The following AUH variants were observed in gnomAD, a reference collection of about 807,000 sequenced individuals.
AUH encodes AU RNA binding methylglutaconyl-CoA hydratase, also known as methylglutaconyl-CoA hydratase, mitochondrial.
AUH carries 29 observed loss-of-function variants against 42.3 expected under a neutral mutation model. The observed-to-expected ratio is 0.69, with a 90% CI of 0.51 to 0.93. The LOEUF is 0.93. AUH is among the 40% of genes least tolerant of loss of function. AUH has a pLI of 0.00. For missense variants in AUH, 452 were observed against 438.1 expected (o/e 1.03, Z -0.28); for synonymous variants, 174 against 166.4 (o/e 1.05, Z -0.35).
At chr9:91,353,623 A>G (rs1450451379) in intron 3 of AUH, among the ~76,000 whole-genome samples, 1 of 151,880 alleles carries the variant, frequency 6.6e-6, no homozygotes, top group East Asian at 1.9e-4. Context: ...GCGGATCACG[A>G]GGTCAGGAGA....
intron 4 of AUH, among the ~76,000 whole-genome samples, chr9:91,313,662 G>A (rs1212610890): frequency 1.3e-4 from 18 of 138,100 alleles, no homozygotes; most frequent in African/African-American, 3.6e-4. Context: ...CCGAGATTGC[G>A]CCACTGCAGT....
At chr9:91,220,658 A>C (rs2131213832) in intron 7 of AUH, 147 bp downstream of exon 7, 1 of 752,586 alleles carries the variant, frequency 1.3e-6, no homozygotes, top group East Asian at 2.7e-5. Flanking sequence ...ATCTTGTGTA[A>C]CTGCTCTAGT....
At chr9:91,249,225 A>G (rs1828972642) in intron 6 of AUH, among the ~76,000 whole-genome samples, 1 of 133,072 alleles carries the variant, frequency 7.5e-6, no homozygotes, top group South Asian at 2.6e-4. Context: ...TGAGCCTGGG[A>G]GATTGAGGCT....
At chr9:91,303,369 C>T (rs298727) in intron 4 of AUH, among the ~76,000 whole-genome samples, 18,637 of 151,892 alleles carry the variant, frequency 0.12, 1,651 homozygotes, top group African/African-American at 0.25. Flanking sequence ...CTTGCTCTGT[C>T]GCCCAGGCTA....
intron 3 of AUH, among the ~76,000 whole-genome samples, chr9:91,345,024 C>T (rs1251262334): frequency 1.3e-5 from 2 of 150,760 alleles, no homozygotes; most frequent in East Asian, 1.9e-4. Context: ...AAAAAAAATG[C>T]CTCAGCAAAC....
chr9:91,303,652 G>C (rs1354930716), intron 4 of AUH, among the ~76,000 whole-genome samples: 1 of 152,158 alleles, frequency 6.6e-6, no homozygotes, highest in East Asian at 1.9e-4. Flanking sequence ...ATTTGGTTTT[G>C]CTTGAAGAAT....
chr9:91,238,008 A>T (rs1828290247), intron 6 of AUH, among the ~76,000 whole-genome samples: 1 of 152,222 alleles, frequency 6.6e-6, no homozygotes, highest in Non-Finnish European at 1.5e-5. Context: ...AGTATGGGGA[A>T]TGAGTTTTTT....
intron 6 of AUH, among the ~76,000 whole-genome samples, chr9:91,285,514 T>A (rs867250991): frequency 6.6e-6 from 1 of 152,060 alleles, no homozygotes; most frequent in East Asian, 1.9e-4. Flanking sequence ...TCTGAACTCA[T>A]TGACTCCCAG....
chr9:91,279,278 T>C (rs1286083177), intron 6 of AUH, among the ~76,000 whole-genome samples: 3 of 152,174 alleles, frequency 2.0e-5, no homozygotes, highest in Non-Finnish European at 2.9e-5. Flanking sequence ...ACCTATGATA[T>C]AGGCATTATT....
At chr9:91,318,167 A>C (rs922992066) in intron 4 of AUH, among the ~76,000 whole-genome samples, 1 of 152,046 alleles carries the variant, frequency 6.6e-6, no homozygotes, top group Non-Finnish European at 1.5e-5. Flanking sequence ...TCTGTTCCTT[A>C]TGCATTGGGT....
intron 4 of AUH, among the ~76,000 whole-genome samples, chr9:91,298,957 G>A (rs1046667248): frequency 2.6e-5 from 4 of 152,136 alleles, no homozygotes; most frequent in African/African-American, 4.8e-5. Flanking sequence ...TGTGGCTCAC[G>A]CCTGTAATCC....
chr9:91,356,063 C>G, intron 2 of AUH, 25 bp downstream of exon 2: 1 of 1,606,348 alleles, frequency 6.2e-7, no homozygotes, highest in South Asian at 1.1e-5. Flanking sequence ...ATATTAGAAG[C>G]AAACAGTTTA....
At chr9:91,342,752 C>G (rs896848706) in intron 3 of AUH, 2 of 152,200 alleles carry the variant, frequency 1.3e-5, no homozygotes, top group African/African-American at 4.8e-5. Flanking sequence ...TCATTTTTAA[C>G]GGCATCTCTG....
intron 6 of AUH, among the ~76,000 whole-genome samples, chr9:91,254,442 C>T (rs1290575097): frequency 1.2e-4 from 18 of 152,092 alleles, no homozygotes; most frequent in African/African-American, 2.4e-5. Flanking sequence ...TGAGCTTATG[C>T]TTTCTTTAGT....
At chr9:91,217,975 C>T (rs1826923387) in intron 7 of AUH, among the ~76,000 whole-genome samples, 1 of 152,090 alleles carries the variant, frequency 6.6e-6, no homozygotes, top group African/African-American at 2.4e-5. Context: ...CAAACTCTTA[C>T]CAAGCAGAAA....
chr9:91,260,342 A>C, intron 6 of AUH, among the ~76,000 whole-genome samples: 1 of 152,098 alleles, frequency 6.6e-6, no homozygotes, highest in East Asian at 1.9e-4. Flanking sequence ...AACTATCCAC[A>C]TGAGTTTAAA....
chr9:91,309,502 C>T (rs1285158305), intron 4 of AUH, among the ~76,000 whole-genome samples: 2 of 152,134 alleles, frequency 1.3e-5, no homozygotes, highest in African/African-American at 2.4e-5. Flanking sequence ...AATGAAACCA[C>T]GTCTTTTGCT....
At chr9:91,303,196 G>C (rs1827941441) in intron 4 of AUH, among the ~76,000 whole-genome samples, 2 of 152,034 alleles carry the variant, frequency 1.3e-5, no homozygotes, top group South Asian at 4.1e-4. Flanking sequence ...TAGACTCAAG[G>C]GACTATGAAA....
At chr9:91,346,100 T>C (rs1831488592) in intron 3 of AUH, among the ~76,000 whole-genome samples, 1 of 152,104 alleles carries the variant, frequency 6.6e-6, no homozygotes, top group Non-Finnish European at 1.5e-5. Context: ...GTGTCTTTTG[T>C]TATTCCTAAC....
Sources: allele counts gnomAD v4.1 joint callset (sites outside exome capture counted in the v4.1 genomes callset), GRCh38; gene constraint gnomAD v4.1.1; transcripts MANE v1.5; gene names NCBI Gene and HGNC (gene_info 2026-07-23, HGNC 2026-07-21).